Variants in PLS1 observed in about 807,000 individuals in gnomAD.
PLS1 encodes plastin-1.
A neutral mutation model predicts 73.7 loss-of-function variants in PLS1; 32 were observed. The ratio of observed to expected loss-of-function variants is 0.43; its 90% CI spans 0.33 to 0.58. The LOEUF (loss-of-function observed/expected upper bound fraction) is 0.58, where lower values mean the gene tolerates loss of function less well. PLS1 is among the 20% of genes least tolerant of loss of function. The probability of loss-of-function intolerance (pLI) is 0.04; values close to 1 mark genes in which losing one functional copy is unlikely to be tolerated. For missense variants in PLS1, 633 were observed against 740.5 expected, an observed-to-expected ratio of 0.85 and a Z score of 1.68; for synonymous variants, 217 against 261.3, an observed-to-expected ratio of 0.83 and a Z score of 1.63.
At chr3:142,697,494 C>T (rs79082022) in intron 11 of PLS1, among the ~76,000 whole-genome samples, 1 of 152,180 alleles carries the variant, frequency 6.6e-6, no homozygotes, top group Non-Finnish European at 1.5e-5. Flanking sequence ...CTGTCCTTAG[C>T]ATATATAGGT....
chr3:142,690,711 A>G (rs1027434233), intron 10 of PLS1, among the ~76,000 whole-genome samples: 1 of 152,240 alleles, frequency 6.6e-6, no homozygotes, highest in Non-Finnish European at 1.5e-5. Context: ...TGTATCAATT[A>G]GCTATGTTAT....
chr3:142,693,792 C>A (rs190137031), intron 10 of PLS1, among the ~76,000 whole-genome samples: 1 of 152,006 alleles, frequency 6.6e-6, no homozygotes, highest in East Asian at 1.9e-4. Flanking sequence ...TTGAGGGGAT[C>A]TTTGAGGTCC....
intron 6 of PLS1, among the ~76,000 whole-genome samples, chr3:142,680,078 C>T (rs886849062): frequency 1.3e-5 from 2 of 152,156 alleles, no homozygotes; most frequent in Admixed American, 1.3e-4. Context: ...CTCTGTTTGT[C>T]TGTTATAAAA....
intron 1 of PLS1, among the ~76,000 whole-genome samples, chr3:142,652,849 G>T (rs561122781): frequency 2.0e-5 from 3 of 152,154 alleles, no homozygotes; most frequent in Admixed American, 2.0e-4. Context: ...AACTCTGCAC[G>T]CTCATTCATT....
intron 1 of PLS1, among the ~76,000 whole-genome samples, chr3:142,612,814 C>T (rs1048845999): frequency 1.3e-5 from 2 of 152,100 alleles, no homozygotes; most frequent in Admixed American, 6.5e-5. Flanking sequence ...GTCTGTCACC[C>T]AGGCCGGAGT....
chr3:142,622,110 C>T (rs574427130), intron 1 of PLS1, among the ~76,000 whole-genome samples: 134 of 142,416 alleles, frequency 9.4e-4, no homozygotes, highest in South Asian at 1.8e-3. Context: ...TATTTCCTTA[C>T]ATTCGTGCAG....
chr3:142,641,156 GATTATATATATATATAT>G (rs1169369367), intron 1 of PLS1, among the ~76,000 whole-genome samples: 2 of 133,350 alleles, frequency 1.5e-5, no homozygotes, highest in African/African-American at 3.0e-5. Flanking sequence ...GACCCAGAGT[GATTATATATATATATAT>G]ATTATATATA....
At chr3:142,675,415 GCT>G (rs2037700269) in intron 4 of PLS1, among the ~76,000 whole-genome samples, 1 of 151,742 alleles carries the variant, frequency 6.6e-6, no homozygotes, top group African/African-American at 2.4e-5. Context: ...ACAGAGCCTT[GCT>G]CTGTCACCAG....
intron 6 of PLS1, among the ~76,000 whole-genome samples, chr3:142,680,924 G>A (rs2037839688): frequency 6.6e-6 from 1 of 152,106 alleles, no homozygotes; most frequent in African/African-American, 2.4e-5. Context: ...CTCATGTGGT[G>A]GTAGTAATAG....
intron 1 of PLS1, among the ~76,000 whole-genome samples, chr3:142,622,681 G>A (rs1164456790): frequency 6.6e-6 from 1 of 152,150 alleles, no homozygotes; most frequent in African/African-American, 2.4e-5. Context: ...TTTTATAAGT[G>A]AAACTGTTCT....
intron 1 of PLS1, among the ~76,000 whole-genome samples, chr3:142,663,179 C>T (rs1025914077): frequency 2.6e-5 from 4 of 151,968 alleles, no homozygotes; most frequent in Admixed American, 6.6e-5. Context: ...CGTGCCATTG[C>T]ACTCCAGCCT....
intron 6 of PLS1, among the ~76,000 whole-genome samples, chr3:142,678,643 G>C (rs1433059681): frequency 6.6e-6 from 1 of 150,516 alleles, no homozygotes; most frequent in Non-Finnish European, 1.5e-5. Context: ...TGGTGTATAT[G>C]TGCCACATTT....
chr3:142,707,106 C>T (rs1003812050), intron 14 of PLS1, among the ~76,000 whole-genome samples: 1 of 152,128 alleles, frequency 6.6e-6, no homozygotes, highest in Admixed American at 6.5e-5. Flanking sequence ...ACTGAGGTGG[C>T]AGAAACATCG....
intron 1 of PLS1, among the ~76,000 whole-genome samples, chr3:142,641,175 T>TA (rs200527473): frequency 3.3e-4 from 48 of 143,344 alleles, no homozygotes; most frequent in African/African-American, 6.2e-4. Context: ...TATATATATA[T>TA]TATATATATA....
At chr3:142,675,918 A>G (rs1357567774) in intron 4 of PLS1, among the ~76,000 whole-genome samples, 1 of 147,508 alleles carries the variant, frequency 6.8e-6, no homozygotes, top group Non-Finnish European at 1.5e-5. Flanking sequence ...TCAAGTGATC[A>G]GCCCGCCTTG....
Position 142,704,519 on chromosome 3 carries a change from T to C in PLS1, c.1562T>C (p.Ile521Thr), listed in dbSNP as rs2107958768. 1.3e-6 allele frequency: 2 copies of C among 1,596,462 alleles called. No individual in the cohort carries two copies. Among genetic ancestry groups the C allele is most frequent in the East Asian group, 2.2e-5 (1 of 44,550 alleles). The stretch of plus-strand genomic sequence containing the variant: ...GAGGGTGAAAAAGTAAATGATGAAA[T>C]TATAATTAAATGGGTCAATCAGACT... The part of the protein sequence containing the change: ...LGEGEKVNDE[I>T]IIKWVNQTLK... The change falls in exon 14 of 16, where the codon ATT (isoleucine) becomes ACT (threonine). Residue 521 changes from isoleucine to threonine, a missense_variant. By Grantham distance (89) the Ile-to-Thr change is moderately conservative (BLOSUM62 -1). Coordinates refer to ENST00000457734, the MANE Select transcript of PLS1 (RefSeq NM_001145319.2).
At chr3:142,644,691 G>T (rs1318020121) in intron 1 of PLS1, among the ~76,000 whole-genome samples, 1 of 152,202 alleles carries the variant, frequency 6.6e-6, no homozygotes, top group Admixed American at 6.5e-5. Flanking sequence ...GTGGAGTGAG[G>T]AGTGTTGACG....
intron 1 of PLS1, among the ~76,000 whole-genome samples, chr3:142,605,165 A>C (rs987893426): frequency 1.3e-5 from 2 of 152,168 alleles, no homozygotes; most frequent in Non-Finnish European, 2.9e-5. Flanking sequence ...TAATTAAACA[A>C]GATAGTGGAT....
rs3055060 is a variant in PLS1 at position 142,649,335 on chromosome 3, C to CAAAAAA, written c.-36-14854_-36-14849dup. The stretch of plus-strand genomic sequence containing the variant: ...TGGGTAACAGAGTGAGACCCTATGT[C>CAAAAAA]AAAAAAAAAAAAAAAAAAGGCCAGG... On this transcript the variant is annotated intron_variant, in intron 1 of 15. Coordinates refer to ENST00000457734, the MANE Select transcript of PLS1 (RefSeq NM_001145319.2). Among the ~76,000 whole-genome samples the CAAAAAA allele has an allele frequency of 3.5e-3, 331 of 93,296 alleles. 9 individuals are homozygous for CAAAAAA. The highest frequency in any genetic ancestry group is 0.014 in the Middle Eastern group (2 of 138). 61.2% of individuals were successfully genotyped at this position (93,296 alleles called of 152,430 possible).
Sources: allele counts gnomAD v4.1 joint callset (sites outside exome capture counted in the v4.1 genomes callset), GRCh38; gene constraint gnomAD v4.1.1; transcripts MANE v1.5; gene names NCBI Gene and HGNC (gene_info 2026-07-23, HGNC 2026-07-21).